Variants in UBTF observed in about 807,000 individuals in gnomAD.
The protein encoded by UBTF is nucleolar transcription factor 1.
In UBTF, 8 loss-of-function variants were observed where a neutral mutation model predicts 112.3. That is an observed-to-expected ratio of 0.07 (90% CI 0.04 to 0.13). The LOEUF is 0.13. Among genes scored for constraint, UBTF ranks in the 10% least tolerant of loss-of-function variants. The probability of loss-of-function intolerance (pLI) is 1.00; values close to 1 mark genes in which losing one functional copy is unlikely to be tolerated. For missense variants in UBTF, 457 were observed against 982.1 expected (o/e 0.47, Z 7.15); for synonymous variants, 417 against 373.1 (o/e 1.12, Z -1.36).
chr17:44,207,571 ATCC>A lies in UBTF; in HGVS notation c.2049_2051del (p.Glu683del), dbSNP rs749005943. The A allele has an allele frequency of 1.9e-6, 3 of 1,613,756 alleles. No homozygotes were observed. Among genetic ancestry groups the A allele is most frequent in the Non-Finnish European group, 2.5e-6 (3 of 1,179,958 alleles). On this transcript the variant is annotated inframe_deletion, in exon 20 of 21. Transcript: ENST00000436088. ...CTTCATCCTCGTCCTCGTCATCCTC[ATCC>A]TCTTCATCATCCTCCTCGGACTCCT...
chr17:44,213,850 C>G (rs1479115930), intron 5 of UBTF, among the ~76,000 whole-genome samples: 1 of 152,190 alleles, frequency 6.6e-6, no homozygotes, highest in Non-Finnish European at 1.5e-5. Context: ...CATCTTCCTG[C>G]CCAGTTCTCA....
chr17:44,215,204 G>C (rs767484146), intron 5 of UBTF: 4 of 165,180 alleles, frequency 2.4e-5, no homozygotes, highest in Non-Finnish European at 5.3e-5. Flanking sequence ...TGTGTCACCC[G>C]GGACACTTAA....
Position 44,209,678 on chromosome 17 carries a change from A to T in UBTF, c.1682T>A (p.Met561Lys). ...PPAATNSSKK[M>K]KFQGEPKKPP... ...CTTCTTGGGTTCTCCCTGGAATTTCATCTTCTTGGAAGAATTTGTAGCAGC... is the reference window on the plus strand; with the variant it reads ...CTTCTTGGGTTCTCCCTGGAATTTCTTCTTCTTGGAAGAATTTGTAGCAGC... Residue 561 changes from methionine (M) to lysine (K), a missense_variant, in exon 16 of 21, where the codon ATG (methionine) becomes AAG (lysine). Physicochemically the swap from Met to Lys is moderately conservative, Grantham distance 95. This residue lies in a region of UBTF where 77 missense variants were observed against 211.9 expected (regional missense o/e 0.36). Coordinates refer to ENST00000436088, the MANE Select transcript of UBTF (RefSeq NM_014233.4). 1 of 1,614,056 alleles carries T rather than the reference A, an allele frequency of 6.2e-7. No homozygotes were observed. Among genetic ancestry groups the T allele is most frequent in the South Asian group, 1.1e-5 (1 of 91,076 alleles).
At chr17:44,210,520 C>T (rs759079336) in intron 13 of UBTF, 47 bp from the exon 14 acceptor site, 1 of 1,513,458 alleles carries the variant, frequency 6.6e-7, no homozygotes, top group Middle Eastern at 2.3e-4. Context: ...CCCCAGGGGG[C>T]GCGCGCTCCC....
chr17:44,218,513 C>A (rs2046964317), intron 1 of UBTF: 3 of 423,106 alleles, frequency 7.1e-6, no homozygotes, highest in Non-Finnish European at 1.2e-5. Context: ...GGCGCGCGCC[C>A]TCCCCTGGCC....
Position 44,205,178 on chromosome 17 carries a change from A to G in UBTF, c.*2064T>C, listed in dbSNP as rs2056181688. The G allele has an allele frequency of 1.3e-5, 2 of 152,650 alleles. No homozygotes were observed. The highest frequency in any genetic ancestry group is 4.8e-5 in the African/African-American group (2 of 41,452). 9.5% of individuals were successfully genotyped at this position (152,650 alleles called of 1,614,324 possible). On this transcript the variant is annotated 3_prime_UTR_variant, in exon 21 of 21. Coordinates refer to ENST00000436088, the MANE Select transcript of UBTF (RefSeq NM_014233.4). The stretch of plus-strand genomic sequence containing the variant: ...AGTTGTGGTGGTTGTTGAATCCTAC[A>G]AAACACTCCTTAAATATTAGAAAAG...
chr17:44,210,678 G>C, intron 13 of UBTF, 114 bp downstream of exon 13: 1 of 1,462,264 alleles, frequency 6.8e-7, no homozygotes. Flanking sequence ...CCACGTCCCA[G>C]CCCAGGCACC....
intron 5 of UBTF, among the ~76,000 whole-genome samples, chr17:44,213,618 A>T (rs1046734760): frequency 1.3e-5 from 2 of 152,162 alleles, no homozygotes; most frequent in African/African-American, 2.4e-5. Context: ...TCGTTTCTCC[A>T]ACACCATAGA....
chr17:44,209,758 C>A (rs778919324), intron 15 of UBTF, 25 bp from the exon 16 acceptor site: 2 of 1,607,776 alleles, frequency 1.2e-6, no homozygotes, highest in East Asian at 2.2e-5. Flanking sequence ...GTCACGCTCA[C>A]CCCCCAGTCC....
Position 44,210,460 on chromosome 17 carries a change from G to T in UBTF, c.1373C>A (p.Ala458Asp). The change falls in exon 14 of 21, where the codon GCC becomes GAC. Residue 458 changes from alanine to aspartate, a missense_variant. By Grantham distance (126) the Ala-to-Asp change is moderately radical (BLOSUM62 -2). Around this residue, in one of 7 missense-constraint regions of UBTF, gnomAD observed 108 missense variants for 137.4 expected, o/e 0.79. Transcript: ENST00000436088. ...LSEKKKAKYK[A>D]REAALKAQSE... ...CTGAGCCTTGAGCGCCGCCTCTCGG[G>T]CCTTGTACTTGGCCTGCGGGGATGG... The T allele has an allele frequency of 6.2e-7, 1 of 1,610,096 alleles. No homozygotes were observed. The highest frequency in any genetic ancestry group is 8.5e-7 in the Non-Finnish European group (1 of 1,179,310).
chr17:44,209,224 T>C, intron 17 of UBTF, 128 bp downstream of exon 17: 1 of 949,796 alleles, frequency 1.1e-6, no homozygotes, highest in Non-Finnish European at 1.5e-6. Flanking sequence ...TCCTGAAGGA[T>C]TGCGAGGGCA....
At chr17:44,213,339 A>T in intron 5 of UBTF, 57 bp from the exon 6 acceptor site, 1 of 1,569,052 alleles carries the variant, frequency 6.4e-7, no homozygotes, top group African/African-American at 1.3e-5. Context: ...ACCCTGAGCT[A>T]TGAAGGCCAC....
chr17:44,216,330 G>C (rs760674466), intron 3 of UBTF, 199 bp downstream of exon 3: 16 of 658,586 alleles, frequency 2.4e-5, no homozygotes, highest in Non-Finnish European at 3.9e-5. Context: ...AGACCACTCA[G>C]ATAGAAAGTG....
In UBTF at chr17:44,209,723, C is replaced by G. The variant is rs373069039; in HGVS notation, c.1637G>C (p.Ser546Thr). ...AGCAGCTGGAGGTGCCCGCATCTCA[C>G]TCAGCTCTCTCTGGAGGGAGAAAGG... ...EDQKRYEREL[S>T]EMRAPPAATN... The change falls in exon 16 of 21, where the codon AGT becomes ACT. Residue 546 changes from serine to threonine, a missense_variant. Transcript: ENST00000436088. 23 of 1,614,030 alleles carry G rather than the reference C, an allele frequency of 1.4e-5. No homozygotes were observed. The African/African-American group carries it at 2.5e-4, about 18-fold the overall frequency.
Position 44,207,897 on chromosome 17 carries a change from C to T in UBTF, c.1920G>A (p.Gln640=), listed in dbSNP as rs370509178. 1.9e-6 allele frequency: 3 copies of T among 1,613,812 alleles called. No homozygotes were observed. The East Asian group carries it at 6.7e-5, about 36-fold the overall frequency. Residue 640 remains glutamine, a synonymous_variant, in exon 18 of 21, where the codon CAG becomes CAA. Coordinates refer to ENST00000436088, the MANE Select transcript of UBTF (RefSeq NM_014233.4). ...LDLWVKSLSP[Q]DRAAYKEYIS... ...TGTACTCTTTATATGCTGCACGGTCCTGGGGAGACAGGCTCTGGGGGAGAC... is the reference window on the plus strand; with the variant it reads ...TGTACTCTTTATATGCTGCACGGTCTTGGGGAGACAGGCTCTGGGGGAGAC...
chr17:44,210,965 G>A lies in UBTF; in HGVS notation c.1204-18C>T, dbSNP rs761031691. The A allele has an allele frequency of 3.1e-6, 5 of 1,601,874 alleles. No homozygotes were observed. Among genetic ancestry groups the A allele is most frequent in the South Asian group, 1.1e-5 (1 of 90,630 alleles). On this transcript the variant is annotated intron_variant, in intron 12 of 20. Coordinates refer to ENST00000436088, the MANE Select transcript of UBTF (RefSeq NM_014233.4). ...GAGCCGCCCTGTCCAGGTGCAGAGG[G>A]TCGGGGTCCGTGGGTGCTGCCAGGG...
chr17:44,213,070 T>TCTGTCC, intron 6 of UBTF, 131 bp from the exon 7 acceptor site: 1 of 1,541,424 alleles, frequency 6.5e-7, no homozygotes, highest in Non-Finnish European at 8.8e-7. Flanking sequence ...CCTGCCTGTC[T>TCTGTCC]CTGTCCCTGA....
Position 44,211,959 on chromosome 17 carries a change from A to G in UBTF, c.819T>C (p.Ser273=), listed in dbSNP as rs2056707506. 2 of 1,613,270 alleles carry G rather than the reference A, an allele frequency of 1.2e-6. No homozygotes were observed. Among genetic ancestry groups the G allele is most frequent in the East Asian group, 2.2e-5 (1 of 44,798 alleles). ...YIQKHPELNI[S]EEGITKSTLT... ...GGGTGGACTTGGTGATACCCTCCTC[A>G]CTGATGTTCAGCTCTGGGTGCTTCT... Residue 273 remains serine, a synonymous_variant, in exon 9 of 21, where the codon AGT becomes AGC. Coordinates refer to ENST00000436088, the MANE Select transcript of UBTF (RefSeq NM_014233.4). The surrounding 1 kb of genome is among the most constrained non-coding windows in gnomAD (Gnocchi z 4.9).
chr17:44,218,573 G>C (rs918369871), intron 1 of UBTF: 2 of 149,188 alleles, frequency 1.3e-5, no homozygotes, highest in African/African-American at 7.3e-5. Flanking sequence ...CCCGCCCTCC[G>C]CCCCGCTTCC....
Sources: allele counts gnomAD v4.1 joint callset (sites outside exome capture counted in the v4.1 genomes callset), GRCh38; gene constraint gnomAD v4.1.1; regional missense constraint gnomAD v4.1.1; non-coding constraint Gnocchi (gnomAD v3.1); transcripts MANE v1.5; gene names NCBI Gene and HGNC (gene_info 2026-07-23, HGNC 2026-07-21).